ANKS1A: variants seen among roughly 807,000 people sequenced by gnomAD.
ANKS1A encodes ankyrin repeat and SAM domain-containing protein 1A.
A neutral mutation model predicts 120.3 loss-of-function variants in ANKS1A; 55 were observed. The observed-to-expected ratio is 0.46, with a 90% CI of 0.37 to 0.57. The LOEUF is 0.57. Ranked by LOEUF, ANKS1A falls within the 20% of genes least tolerant of loss-of-function variation. The pLI is 0.00. For missense variants in ANKS1A, 1,123 were observed against 1,480.3 expected (o/e 0.76, Z 3.96); for synonymous variants, 590 against 604.7 (o/e 0.98, Z 0.36).
In ANKS1A at chr6:35,017,752, A is replaced by T; in HGVS notation, c.1703A>T (p.Tyr568Phe). ...SALDQSKRVG[Y>F]LTGLPTTNSR... ...CTGGACCAGAGCAAGAGAGTGGGCT[A>T]CCTCACAGGCCTGCCCACCACCAAC... The change falls in exon 11 of 24, where the codon TAC becomes TTC. Residue 568 changes from tyrosine to phenylalanine, a missense_variant. By Grantham distance (22) the Tyr-to-Phe change is conservative. This residue lies in a region of ANKS1A where 904 missense variants were observed against 1,130.4 expected (regional missense o/e 0.80). Coordinates refer to ENST00000360359, the MANE Select transcript of ANKS1A (RefSeq NM_015245.3). The T allele has an allele frequency of 6.2e-7, 1 of 1,614,086 alleles. No homozygotes were observed. The highest frequency in any genetic ancestry group is 1.6e-4 in the Middle Eastern group (1 of 6,062).
intron 13 of ANKS1A, among the ~76,000 whole-genome samples, chr6:35,074,530 G>C (rs552833277): frequency 1.4e-4 from 21 of 152,112 alleles, no homozygotes; most frequent in South Asian, 4.1e-4. Flanking sequence ...CCAGGTCAAG[G>C]TTGCAGTGAG....
At position 35,090,471 on chromosome 6, in the gene ANKS1A, G is replaced by A; in HGVS notation, c.*1862G>A. 1 of 1,158,570 alleles carries A rather than the reference G, an allele frequency of 8.6e-7. No homozygotes were observed. 71.8% of individuals were successfully genotyped at this position (1,158,570 alleles called of 1,614,324 possible). On this transcript the variant is annotated 3_prime_UTR_variant, in exon 24 of 24. Transcript: ENST00000360359. ...CTCCTCAAGCTGTCTTTTGTGCTTA[G>A]ATCATCCATAGGTGTTTCTTCTGCT...
chr6:35,070,791 CT>C, intron 13 of ANKS1A: 5 of 436,674 alleles, frequency 1.1e-5, no homozygotes, highest in Non-Finnish European at 2.2e-5. Flanking sequence ...GCCCACAAGC[CT>C]TTATCTTAAC....
At chr6:34,934,799 G>A (rs553004227) in intron 1 of ANKS1A, among the ~76,000 whole-genome samples, 1 of 152,228 alleles carries the variant, frequency 6.6e-6, no homozygotes, top group East Asian at 1.9e-4. Context: ...AAACAATCTA[G>A]TCTTATTCCC....
At chr6:35,043,998 C>CT (rs1775601251) in intron 11 of ANKS1A, among the ~76,000 whole-genome samples, 1 of 152,204 alleles carries the variant, frequency 6.6e-6, no homozygotes, top group African/African-American at 2.4e-5. Flanking sequence ...CTTCGAAGTA[C>CT]TTACTTGGTT....
At chr6:34,939,271 C>T (rs1036739922) in intron 1 of ANKS1A, among the ~76,000 whole-genome samples, 16 of 152,138 alleles carry the variant, frequency 1.1e-4, no homozygotes, top group Admixed American at 2.0e-4. Flanking sequence ...GATCAGAATG[C>T]ACACCTCCTG....
intron 1 of ANKS1A, among the ~76,000 whole-genome samples, chr6:34,902,899 T>A (rs755100607): frequency 1.3e-5 from 2 of 152,038 alleles, no homozygotes; most frequent in Non-Finnish European, 2.9e-5. Flanking sequence ...ACCTTTCTCT[T>A]TAACATATGT....
At chr6:34,984,261 T>G (rs1009078328) in intron 7 of ANKS1A, among the ~76,000 whole-genome samples, 4 of 152,156 alleles carry the variant, frequency 2.6e-5, no homozygotes, top group Non-Finnish European at 5.9e-5. Context: ...GTCCTTGATA[T>G]GATGAATACA....
At chr6:35,065,454 CGTT>C (rs144730110) in intron 13 of ANKS1A, among the ~76,000 whole-genome samples, 4,046 of 152,328 alleles carry the variant, frequency 0.027, 64 homozygotes, top group Middle Eastern at 0.058. Flanking sequence ...TTGCTGGCCT[CGTT>C]GTGAGCAGCA....
At position 34,982,088 on chromosome 6, in the gene ANKS1A, T is replaced by A; in HGVS notation, c.732+102T>A. On this transcript the variant is annotated intron_variant, in intron 4 of 23. Coordinates refer to ENST00000360359, the MANE Select transcript of ANKS1A (RefSeq NM_015245.3). The surrounding 1 kb of genome is among the most constrained non-coding windows in gnomAD (Gnocchi z 4.9). ...GGGCTGTGCTCTTTATTTAGCACGT[T>A]TCACATCATGTTTCAAATGCTTATT... 2 of 1,385,044 alleles carry A rather than the reference T, an allele frequency of 1.4e-6. No homozygotes were observed. The highest frequency in any genetic ancestry group is 2.0e-6 in the Non-Finnish European group (2 of 1,024,110). 85.8% of individuals were successfully genotyped at this position (1,385,044 alleles called of 1,614,324 possible).
intron 10 of ANKS1A, among the ~76,000 whole-genome samples, chr6:35,006,508 A>G (rs567521452): frequency 1.0e-3 from 159 of 151,686 alleles, no homozygotes; most frequent in Non-Finnish European, 2.0e-3. Context: ...TAATCCCAGC[A>G]CTTTGGGAGG....
chr6:34,898,746 A>G (rs1434723698), intron 1 of ANKS1A, among the ~76,000 whole-genome samples: 4 of 152,070 alleles, frequency 2.6e-5, no homozygotes, highest in Middle Eastern at 3.2e-3. Context: ...AACAGAAATG[A>G]CATTATTTTG....
Position 35,082,700 on chromosome 6 carries a change from C to T in ANKS1A, c.2719C>T (p.Arg907Cys), listed in dbSNP as rs761540583. The change falls in exon 18 of 24, where the codon CGT (arginine) becomes TGT (cysteine). Residue 907 changes from arginine to cysteine, a missense_variant. Transcript: ENST00000360359. The surrounding 1 kb of genome is among the most constrained non-coding windows in gnomAD (Gnocchi z 4.1). ...TGCGTGTGTTTCGCAGGAGGAGCAC[C>T]GTGAGGCCAAGCTGACCCTGCGGCC... is the stretch of plus-strand genomic sequence containing the variant. ...AERFRIQEEH[R>C]EAKLTLRPPS... The T allele has an allele frequency of 9.9e-6, 16 of 1,610,232 alleles. No individual in the cohort carries two copies. Among genetic ancestry groups the T allele is most frequent in the East Asian group, 8.9e-5 (4 of 44,772 alleles).
chr6:35,095,625 CA>C (rs796680319), downstream of ANKS1A, among the ~76,000 whole-genome samples: 2 of 94,282 alleles, frequency 2.1e-5, no homozygotes, highest in African/African-American at 8.5e-5. Flanking sequence ...CAAAAAACAA[CA>C]AAAAAAACAG....
At chr6:34,924,682 C>T (rs895723240) in intron 1 of ANKS1A, among the ~76,000 whole-genome samples, 6 of 152,192 alleles carry the variant, frequency 3.9e-5, no homozygotes, top group Non-Finnish European at 8.8e-5. Flanking sequence ...GCAGAGGAAT[C>T]TGTTAGTGTA....
chr6:35,062,191 C>T (rs1187087983), intron 13 of ANKS1A, among the ~76,000 whole-genome samples: 1 of 152,244 alleles, frequency 6.6e-6, no homozygotes, highest in Admixed American at 6.5e-5. Flanking sequence ...CGGCCTGCAG[C>T]TCAGTCCTTC....
At chr6:35,079,984 T>C (rs1223957789) in intron 16 of ANKS1A, 56 bp downstream of exon 16, 8 of 1,530,284 alleles carry the variant, frequency 5.2e-6, no homozygotes, top group Non-Finnish European at 7.1e-6. Flanking sequence ...TTTGCAGGAA[T>C]TACATAGAAT....
chr6:35,015,360 G>A (rs192390072), intron 10 of ANKS1A, among the ~76,000 whole-genome samples: 17 of 152,266 alleles, frequency 1.1e-4, no homozygotes, highest in Admixed American at 5.2e-4. Context: ...TTAGCTGGGC[G>A]TGGTGGCACA....
At chr6:34,926,170 A>C (rs1768706237) in intron 1 of ANKS1A, among the ~76,000 whole-genome samples, 1 of 152,236 alleles carries the variant, frequency 6.6e-6, no homozygotes, top group Non-Finnish European at 1.5e-5. Flanking sequence ...GACAAATTAT[A>C]GTAAAGAAGC....
Sources: gnomAD v4.1 joint callset for allele counts (sites outside exome capture counted in the v4.1 genomes callset) on GRCh38, gnomAD v4.1.1 for gene constraint, gnomAD v4.1.1 regional missense constraint, Gnocchi (gnomAD v3.1) non-coding constraint, MANE v1.5 for transcripts, NCBI Gene and HGNC (gene_info 2026-07-23, HGNC 2026-07-21) for gene names.